Variants in MALRD1 observed in about 807,000 individuals in gnomAD.
MALRD1 encodes the protein MAM and LDL receptor class A domain containing 1, also known as MAM and LDL-receptor class A domain-containing protein 1.
In MALRD1, 247 loss-of-function variants were observed where a neutral mutation model predicts 242.1. The ratio of observed to expected loss-of-function variants is 1.02; its 90% CI spans 0.92 to 1.13. MALRD1 has a LOEUF of 1.13. MALRD1 is among the 50% of genes most tolerant of loss of function. MALRD1 has a pLI of 0.00. For synonymous variants in MALRD1, 995 were observed against 866.6 expected (o/e 1.15, Z -2.60); for missense variants, 2,989 against 2,533.1 (o/e 1.18, Z -3.86).
chr10:19,238,816 G>A (rs1035401248), intron 18 of MALRD1, among the ~76,000 whole-genome samples: 1 of 150,290 alleles, frequency 6.7e-6, no homozygotes, highest in African/African-American at 2.4e-5. Flanking sequence ...TTGCTTAATG[G>A]TTGTACTAGT....
chr10:19,296,264 C>T (rs1430233848), intron 21 of MALRD1, among the ~76,000 whole-genome samples: 2 of 152,100 alleles, frequency 1.3e-5, no homozygotes, highest in Non-Finnish European at 2.9e-5. Context: ...TTTTGTTACA[C>T]TTTTTCCTCA....
intron 29 of MALRD1, among the ~76,000 whole-genome samples, chr10:19,475,908 T>G (rs1024747185): frequency 1.3e-5 from 2 of 152,230 alleles, no homozygotes; most frequent in African/African-American, 2.4e-5. Context: ...TAAAACCTCA[T>G]GTTTGGGAAA....
chr10:19,508,395 T>C (rs1258840779), intron 31 of MALRD1, among the ~76,000 whole-genome samples: 1 of 152,220 alleles, frequency 6.6e-6, no homozygotes, highest in Non-Finnish European at 1.5e-5. Context: ...AACACTGTGA[T>C]GTAAAACATG....
chr10:19,605,985 A>C (rs1589298295), intron 34 of MALRD1, among the ~76,000 whole-genome samples: 3 of 152,138 alleles, frequency 2.0e-5, no homozygotes, highest in South Asian at 4.1e-4. Context: ...TGCTCAATAA[A>C]GAGTACTGCC....
rs1200887771 is a variant in MALRD1 at position 19,722,592 on chromosome 10, A to T, written c.6315-8114A>T. On this transcript the variant is annotated intron_variant, in intron 38 of 39. Transcript: ENST00000454679. Reference sequence around the variant, plus strand: ...GTGACAGAGCAAGACCATGTCTCTAAAAAAAAAAAAAAAAAAAAAAAAAAA... The same window carrying T: ...GTGACAGAGCAAGACCATGTCTCTATAAAAAAAAAAAAAAAAAAAAAAAAA... 4.2e-3 allele frequency: 190 copies of T among 45,504 alleles called. 1 individual carries two copies. Among genetic ancestry groups the T allele is most frequent in the African/African-American group, 8.6e-3 (183 of 21,254 alleles). The allele number at this position is 45,504 out of a possible 1,614,324, so 2.8% of individuals were successfully genotyped here.
intron 32 of MALRD1, among the ~76,000 whole-genome samples, chr10:19,566,361 A>G (rs1836256071): frequency 7.0e-6 from 1 of 143,338 alleles, no homozygotes; most frequent in African/African-American, 2.6e-5. Context: ...GGATGGTCTC[A>G]ATCTCCTGAC....
chr10:19,719,245 T>A (rs57516296), intron 38 of MALRD1, among the ~76,000 whole-genome samples: 1 of 119,246 alleles, frequency 8.4e-6, no homozygotes, highest in Admixed American at 8.7e-5. Flanking sequence ...TATATATATA[T>A]ATATATATAT....
chr10:19,525,885 T>C (rs1292816910), intron 31 of MALRD1, among the ~76,000 whole-genome samples: 1 of 152,158 alleles, frequency 6.6e-6, no homozygotes, highest in Non-Finnish European at 1.5e-5. Flanking sequence ...GCTTTTGAAA[T>C]GGCAAGTAGT....
chr10:19,048,642 G>A (rs139467216), upstream of MALRD1: 2,250 of 215,340 alleles, frequency 0.01, 21 homozygotes, highest in Non-Finnish European at 0.016. Context: ...TCAGGAGATA[G>A]CAAGACCATA....
In MALRD1 at chr10:19,209,562, C is replaced by A. The variant is rs1564469031; in HGVS notation, c.2873C>A (p.Ala958Glu). 6.4e-7 allele frequency: 1 copy of A among 1,550,812 alleles called. No homozygotes were observed. The highest frequency in any genetic ancestry group is 8.7e-7 in the Non-Finnish European group (1 of 1,147,022). Reference protein sequence around the residue: ...HMFGKRIYRLAIYQRIWSDSR... With the variant: ...HMFGKRIYRLEIYQRIWSDSR... Reference sequence around the variant, plus strand: ...TTTGGAAAGCGCATTTATAGGTTGGCAATCTACCAACGAATCTGGAGTGAC... The same window carrying A: ...TTTGGAAAGCGCATTTATAGGTTGGAAATCTACCAACGAATCTGGAGTGAC... The change falls in exon 18 of 40, where the codon GCA (alanine) becomes GAA (glutamate). Residue 958 changes from alanine (A) to glutamate (E), a missense_variant. Ala to Glu is a moderately radical substitution (Grantham distance 107). Coordinates refer to ENST00000454679, the MANE Select transcript of MALRD1 (RefSeq NM_001142308.3).
At chr10:19,699,944 A>G (rs565402928) in intron 38 of MALRD1, among the ~76,000 whole-genome samples, 1 of 151,994 alleles carries the variant, frequency 6.6e-6, no homozygotes, top group South Asian at 2.1e-4. Flanking sequence ...GGTGGCAACA[A>G]ATAACCAAAC....
At chr10:19,500,478 A>G (rs1837920224) in intron 31 of MALRD1, among the ~76,000 whole-genome samples, 1 of 152,216 alleles carries the variant, frequency 6.6e-6, no homozygotes, top group Non-Finnish European at 1.5e-5. Context: ...GTTTTATATC[A>G]TATACAGCAA....
intron 28 of MALRD1, among the ~76,000 whole-genome samples, chr10:19,410,679 C>CTTTTTTTTTTT (rs58147034): frequency 2.3e-5 from 3 of 132,908 alleles, no homozygotes; most frequent in Non-Finnish European, 4.7e-5. Flanking sequence ...TCCTTCCTTC[C>CTTTTTTTTTTT]TTTTTTTTTT....
At chr10:19,113,770 C>A (rs1836765584) in intron 5 of MALRD1, among the ~76,000 whole-genome samples, 1 of 150,352 alleles carries the variant, frequency 6.7e-6, no homozygotes, top group Non-Finnish European at 1.5e-5. Context: ...GACTATCCCT[C>A]CACATTGCCA....
At chr10:19,524,569 C>T (rs903904486) in intron 31 of MALRD1, among the ~76,000 whole-genome samples, 2 of 152,096 alleles carry the variant, frequency 1.3e-5, no homozygotes, top group African/African-American at 2.4e-5. Context: ...AGACACCCTT[C>T]TATTGAGAGT....
chr10:19,721,614 T>C (rs967784125), intron 38 of MALRD1: 4 of 152,240 alleles, frequency 2.6e-5, no homozygotes, highest in African/African-American at 9.6e-5. Flanking sequence ...TGTTTATTCA[T>C]AGATGTTCCA....
intron 11 of MALRD1, among the ~76,000 whole-genome samples, chr10:19,147,609 A>G (rs962764023): frequency 6.6e-6 from 1 of 152,210 alleles, no homozygotes; most frequent in Non-Finnish European, 1.5e-5. Context: ...CATAGCATAG[A>G]CGATACCTGG....
At chr10:19,455,221 A>G (rs548640586) in intron 29 of MALRD1, among the ~76,000 whole-genome samples, 1 of 152,352 alleles carries the variant, frequency 6.6e-6, no homozygotes, top group Non-Finnish European at 1.5e-5. Flanking sequence ...CCACAGAACA[A>G]AGAAGTAGGA....
chr10:19,288,628 C>T lies in MALRD1; in HGVS notation c.3419+5447C>T, dbSNP rs546075129. Among the ~76,000 whole-genome samples, 9 of 152,036 alleles carry T rather than the reference C, an allele frequency of 5.9e-5. No individual in the cohort carries two copies. The East Asian group carries it at 9.7e-4, about 16-fold the overall frequency. ...GGTATCTTCTCTTTTTCTGAGGTTC[C>T]GTAACTAGTATCTTTCCCCTGTTTT... On this transcript the variant is annotated intron_variant, in intron 21 of 39. Transcript: ENST00000454679.
Sources: gnomAD v4.1 joint callset for allele counts (sites outside exome capture counted in the v4.1 genomes callset) on GRCh38, gnomAD v4.1.1 for gene constraint, MANE v1.5 for transcripts, NCBI Gene and HGNC (gene_info 2026-07-23, HGNC 2026-07-21) for gene names.